CSNK1G1: variants seen among roughly 807,000 people sequenced by gnomAD.
CSNK1G1 encodes the protein casein kinase 1 gamma 1, also known as casein kinase I isoform gamma-1.
Under a neutral mutation model 59.6 loss-of-function variants are expected in CSNK1G1, and 22 were observed. The ratio of observed to expected loss-of-function variants is 0.37; its 90% CI spans 0.26 to 0.53. The LOEUF (loss-of-function observed/expected upper bound fraction) is 0.53. Among genes scored for constraint, CSNK1G1 ranks in the 20% least tolerant of loss-of-function variants. The probability of loss-of-function intolerance (pLI) is 0.89; values close to 1 mark genes in which losing one functional copy is unlikely to be tolerated. For synonymous variants in CSNK1G1, 179 were observed against 177.1 expected, an observed-to-expected ratio of 1.01 and a Z score of -0.08; for missense variants, 384 against 519.5, an observed-to-expected ratio of 0.74 and a Z score of 2.54.
chr15:64,284,694 G>A (rs1315379181), intron 2 of CSNK1G1, among the ~76,000 whole-genome samples: 6 of 151,818 alleles, frequency 4.0e-5, no homozygotes, highest in Non-Finnish European at 8.8e-5. Flanking sequence ...CTTTTAATGA[G>A]AATAATATTA....
chr15:64,194,335 A>G (rs950396935), intron 10 of CSNK1G1: 1 of 147,560 alleles, frequency 6.8e-6, no homozygotes, highest in Non-Finnish European at 1.5e-5. Flanking sequence ...ACAAATAACT[A>G]TATCAGCTTT....
intron 10 of CSNK1G1, among the ~76,000 whole-genome samples, chr15:64,198,781 A>G (rs1284054486): frequency 7.9e-5 from 12 of 152,014 alleles, no homozygotes; most frequent in Admixed American, 7.2e-4. Flanking sequence ...AAGAAATGTA[A>G]TATTAACATA....
chr15:64,296,160 G>A (rs565531795), intron 2 of CSNK1G1, among the ~76,000 whole-genome samples: 35 of 152,076 alleles, frequency 2.3e-4, no homozygotes, highest in Non-Finnish European at 4.0e-4. Context: ...TCACTCTGTC[G>A]CCCAGGCTGG....
At chr15:64,277,849 T>A (rs1010296914) in intron 2 of CSNK1G1, among the ~76,000 whole-genome samples, 1 of 136,586 alleles carries the variant, frequency 7.3e-6, no homozygotes, top group East Asian at 2.0e-4. Context: ...ATATATTTAA[T>A]AATAATATTG....
chr15:64,218,920 T>C (rs2082348595), intron 4 of CSNK1G1, among the ~76,000 whole-genome samples: 1 of 144,808 alleles, frequency 6.9e-6, no homozygotes, highest in Non-Finnish European at 1.5e-5. Context: ...ACTGGCGCCA[T>C]CTCGACTCAC....
chr15:64,203,245 T>C (rs1002354809), intron 9 of CSNK1G1, 56 bp from the exon 10 acceptor site: 3 of 1,049,550 alleles, frequency 2.9e-6, no homozygotes, highest in Middle Eastern at 2.0e-4. Flanking sequence ...TTGATGCATA[T>C]GCAAAGGACA....
rs11456750 is a variant in CSNK1G1, at chr15:64,347,584, TA to T, written c.-225+8403del. Among the ~76,000 whole-genome samples the T allele has an allele frequency of 3.6e-3, 444 of 123,516 alleles. 2 individuals carry two copies. Among genetic ancestry groups the T allele is most frequent in the African/African-American group, 0.013 (398 of 31,024 alleles). The allele number at this position is 123,516 out of a possible 152,430, so 81.0% of individuals were successfully genotyped here. On this transcript the variant is annotated intron_variant, in intron 1 of 11. Transcript: ENST00000303052. Reference sequence around the variant, plus strand: ...TGGTCAACATAGCAACACTCCGTCTTAAAAAAAAAAAAAAAGAAAGAAACAA... The same window carrying T: ...TGGTCAACATAGCAACACTCCGTCTTAAAAAAAAAAAAAAGAAAGAAACAA...
At chr15:64,258,545 T>G (rs1236333491) in intron 3 of CSNK1G1, among the ~76,000 whole-genome samples, 1 of 152,146 alleles carries the variant, frequency 6.6e-6, no homozygotes, top group Non-Finnish European at 1.5e-5. Flanking sequence ...AGAGTTTCAG[T>G]GAAACTAGTC....
rs1275134942 is a variant in CSNK1G1 at position 64,168,072 on chromosome 15, T to G, written c.*3859A>C. ...TACTTTAGGGGTGATGGTCACCTTT[T>G]CTGGCTGATGGACAGGGACTGTTTT... is the stretch of plus-strand genomic sequence containing the variant. On this transcript the variant is annotated 3_prime_UTR_variant, in exon 12 of 12. Coordinates refer to ENST00000303052, the MANE Select transcript of CSNK1G1 (RefSeq NM_022048.5). The G allele has an allele frequency of 6.6e-6, 1 of 152,572 alleles. No individual in the cohort carries two copies. Among genetic ancestry groups the G allele is most frequent in the African/African-American group, 2.4e-5 (1 of 41,466 alleles). The allele number at this position is 152,572 out of a possible 1,614,324, so 9.5% of individuals were successfully genotyped here.
chr15:64,196,066 C>T (rs988244676), intron 10 of CSNK1G1, among the ~76,000 whole-genome samples: 3 of 151,680 alleles, frequency 2.0e-5, no homozygotes, highest in Non-Finnish European at 4.4e-5. Flanking sequence ...AATAAATAAA[C>T]ATTAGTCAGG....
At chr15:64,206,337 G>C (rs2082179968) in intron 7 of CSNK1G1, among the ~76,000 whole-genome samples, 2 of 152,280 alleles carry the variant, frequency 1.3e-5, no homozygotes, top group East Asian at 3.9e-4. Context: ...CTACTCAGGA[G>C]GCTGAGGCAG....
At position 64,176,337 on chromosome 15, in the gene CSNK1G1, A is replaced by G; in HGVS notation, c.1214+4011T>C. On this transcript the variant is annotated intron_variant, in intron 11 of 11. Coordinates refer to ENST00000303052, the MANE Select transcript of CSNK1G1 (RefSeq NM_022048.5). The surrounding 1 kb of genome is among the most constrained non-coding windows in gnomAD (Gnocchi z 5.2). ...CAGAAAGGAAGAGAGAGAAAGAGAG[A>G]GATATTAGTCCACAGAGGTGAAATG... The G allele has an allele frequency of 2.5e-6, 1 of 395,362 alleles. No individual in the cohort carries two copies. The highest frequency in any genetic ancestry group is 4.5e-6 in the Non-Finnish European group (1 of 224,236). 24.5% of individuals were successfully genotyped at this position (395,362 alleles called of 1,614,324 possible). A position where few individuals can be genotyped will look rare whatever the true frequency, so the allele number is the denominator to read the frequency against.
chr15:64,241,044 C>T lies in CSNK1G1; in HGVS notation c.292+10468G>A, dbSNP rs368592055. ...GTGAAAAATAGCCTTGAATATAAAC[C>T]GATTATATTCTCCCACTTACAAGAT... is the stretch of plus-strand genomic sequence containing the variant. On this transcript the variant is annotated intron_variant, in intron 4 of 11. Coordinates refer to ENST00000303052, the MANE Select transcript of CSNK1G1 (RefSeq NM_022048.5). 3.8e-4 allele frequency among the ~76,000 whole-genome samples: 58 copies of T among 152,036 alleles called. No individual in the cohort carries two copies. In the East Asian group the frequency reaches 0.01, roughly 26 times the overall value.
chr15:64,265,949 G>C (rs1892958849), intron 2 of CSNK1G1: 1 of 405,038 alleles, frequency 2.5e-6, no homozygotes, highest in Non-Finnish European at 4.9e-6. Context: ...CCAGGTGTAG[G>C]GGTAAGTGCC....
intron 1 of CSNK1G1, among the ~76,000 whole-genome samples, chr15:64,318,612 TC>T (rs1896396751): frequency 6.6e-6 from 1 of 150,580 alleles, no homozygotes; most frequent in African/African-American, 2.4e-5. Flanking sequence ...GGTGGCATGA[TC>T]TTTTTTTTTT....
chr15:64,183,465 G>T (rs1027607257), intron 10 of CSNK1G1, among the ~76,000 whole-genome samples: 1 of 152,166 alleles, frequency 6.6e-6, no homozygotes, highest in African/African-American at 2.4e-5. Context: ...TTGGAGGTCT[G>T]GTTTGTCAAA....
At chr15:64,271,953 A>G (rs1893332386) in intron 2 of CSNK1G1, among the ~76,000 whole-genome samples, 1 of 152,114 alleles carries the variant, frequency 6.6e-6, no homozygotes, top group African/African-American at 2.4e-5. Context: ...GTGCATATAT[A>G]CTTAGGATAG....
intron 4 of CSNK1G1, among the ~76,000 whole-genome samples, chr15:64,217,691 C>CTA (rs2082330131): frequency 2.0e-5 from 3 of 151,848 alleles, no homozygotes; most frequent in Non-Finnish European, 4.4e-5. Context: ...TGGCACGCAC[C>CTA]TATAGTCCCA....
rs2081641779 is a variant in CSNK1G1, at chr15:64,169,551, G to C, written c.*2380C>G. On this transcript the variant is annotated 3_prime_UTR_variant, in exon 12 of 12. Coordinates refer to ENST00000303052, the MANE Select transcript of CSNK1G1 (RefSeq NM_022048.5). ...CCTGGCCCCCCCTCTGCCCTCTCTT[G>C]AGAGGCAAGGCATTTTCTATACAGG... The C allele has an allele frequency of 6.6e-6, 1 of 152,188 alleles. No homozygotes were observed. Among genetic ancestry groups the C allele is most frequent in the African/African-American group, 2.4e-5 (1 of 41,400 alleles). 9.4% of individuals were successfully genotyped at this position (152,188 alleles called of 1,614,324 possible). A position where few individuals can be genotyped will look rare whatever the true frequency, so the allele number is the denominator to read the frequency against.
Sources: gnomAD v4.1 joint callset for allele counts (sites outside exome capture counted in the v4.1 genomes callset) on GRCh38, gnomAD v4.1.1 for gene constraint, Gnocchi (gnomAD v3.1) non-coding constraint, MANE v1.5 for transcripts, NCBI Gene and HGNC (gene_info 2026-07-23, HGNC 2026-07-21) for gene names.